The following SV2C variants were observed in gnomAD, a reference collection of about 807,000 sequenced individuals.
SV2C encodes the protein solute carrier family 22 member B3.
A neutral mutation model predicts 79.7 loss-of-function variants in SV2C; 49 were observed. The ratio of observed to expected loss-of-function variants is 0.61; its 90% CI spans 0.49 to 0.78. The LOEUF is 0.78. Ranked by LOEUF, SV2C falls within the 30% of genes least tolerant of loss-of-function variation. SV2C has a pLI of 0.00. For synonymous variants in SV2C, 334 were observed against 333.2 expected, an observed-to-expected ratio of 1.00 and a Z score of -0.03; for missense variants, 833 against 912.9, an observed-to-expected ratio of 0.91 and a Z score of 1.13.
chr5:75,933,796 GCTTTATATTCTCAT>G, the SV2C span, among the ~76,000 whole-genome samples: 1 of 152,128 alleles, frequency 6.6e-6, no homozygotes, highest in Non-Finnish European at 1.5e-5. Flanking sequence ...ATCTGTCCAA[GCTTTATATTCTCAT>G]CTTGCCTGCC....
chr5:76,238,246 A>G (rs987449692), intron 4 of SV2C, among the ~76,000 whole-genome samples: 1 of 151,484 alleles, frequency 6.6e-6, no homozygotes, highest in Non-Finnish European at 1.5e-5. Flanking sequence ...CAACCATTCT[A>G]TTGAGTTTTT....
chr5:76,009,275 G>A, the SV2C span, among the ~76,000 whole-genome samples: 9 of 152,306 alleles, frequency 5.9e-5, no homozygotes, highest in Admixed American at 6.5e-5. Context: ...ATGTTGGTGA[G>A]GCTGTGGAGA....
chr5:75,898,904 T>C, the SV2C span, among the ~76,000 whole-genome samples: 5 of 152,194 alleles, frequency 3.3e-5, no homozygotes, highest in Non-Finnish European at 5.9e-5. Context: ...TCTGTGGGAT[T>C]GGTGGAGATA....
chr5:76,282,206 T>C (rs2112491303), intron 4 of SV2C, among the ~76,000 whole-genome samples: 1 of 152,244 alleles, frequency 6.6e-6, no homozygotes, highest in African/African-American at 2.4e-5. Context: ...AGCAAATTGA[T>C]ATAATAAGCA....
the SV2C span, among the ~76,000 whole-genome samples, chr5:75,908,321 T>A: frequency 4.6e-5 from 7 of 152,208 alleles, no homozygotes; most frequent in Non-Finnish European, 8.8e-5. Context: ...ATCTTACCAG[T>A]CACATAGTAT....
At chr5:76,044,643 G>A in the SV2C span, among the ~76,000 whole-genome samples, 2 of 152,188 alleles carry the variant, frequency 1.3e-5, no homozygotes, top group African/African-American at 4.8e-5. Context: ...GTTTTGATTT[G>A]CATTTCTCTA....
In SV2C at chr5:76,295,885, C is replaced by A. The variant is rs2270927; in HGVS notation, c.1445C>A (p.Thr482Asn). The A allele has an allele frequency of 2.5e-6, 4 of 1,612,754 alleles. No homozygotes were observed. Among genetic ancestry groups the A allele is most frequent in the African/African-American group, 1.3e-5 (1 of 74,826 alleles). ...GAGAGAGATAAATATGCAAATTTCA[C>A]TATTAACTTTACAATGGAAAATCAG... is the stretch of plus-strand genomic sequence containing the variant. ...NVERDKYANF[T>N]INFTMENQIH... Residue 482 changes from threonine (T) to asparagine (N), a missense_variant, in exon 9 of 13, where the codon ACT (threonine) becomes AAT (asparagine). By Grantham distance (65) the Thr-to-Asn change is moderately conservative. Transcript: ENST00000502798.
chr5:76,049,024 A>AAAGAAAGAAAGAAAGAG, the SV2C span, among the ~76,000 whole-genome samples: 7,241 of 120,486 alleles, frequency 0.06, 698 homozygotes, highest in East Asian at 0.15. Context: ...AGAAAGAAAG[A>AAAGAAAGAAAGAAAGAG]AAAAGAAAAG....
chr5:75,956,794 G>A, the SV2C span, among the ~76,000 whole-genome samples: 1 of 151,866 alleles, frequency 6.6e-6, no homozygotes, highest in Non-Finnish European at 1.5e-5. Flanking sequence ...GAAACCTCTG[G>A]GCTTTCAGAA....
chr5:76,338,721 G>A (rs751161762), downstream of SV2C, among the ~76,000 whole-genome samples: 2 of 147,432 alleles, frequency 1.4e-5, no homozygotes, highest in Non-Finnish European at 3.0e-5. Context: ...GCAAAGACAC[G>A]ATCTTGGCTC....
the SV2C span, among the ~76,000 whole-genome samples, chr5:76,024,422 T>C: frequency 6.6e-6 from 1 of 152,230 alleles, no homozygotes; most frequent in Non-Finnish European, 1.5e-5. Flanking sequence ...TTGTCACTTA[T>C]TTATTGGTCA....
chr5:75,947,337 C>CT, the SV2C span, among the ~76,000 whole-genome samples: 1 of 151,922 alleles, frequency 6.6e-6, no homozygotes, highest in South Asian at 2.1e-4. Context: ...CTCCATATTC[C>CT]TTTTTATTTT....
chr5:76,141,823 C>CAAAAAAAA (rs11313342), intron 2 of SV2C, among the ~76,000 whole-genome samples: 8 of 72,454 alleles, frequency 1.1e-4, no homozygotes, highest in Non-Finnish European at 1.3e-4. Context: ...AAGTCCATCT[C>CAAAAAAAA]AAAAAAAAAA....
chr5:75,934,028 G>A, the SV2C span, among the ~76,000 whole-genome samples: 3 of 152,134 alleles, frequency 2.0e-5, no homozygotes, highest in Admixed American at 6.5e-5. Context: ...ACTTTATAAG[G>A]ATTATCACAT....
At chr5:75,915,376 C>G in the SV2C span, among the ~76,000 whole-genome samples, 2 of 152,164 alleles carry the variant, frequency 1.3e-5, no homozygotes, top group Non-Finnish European at 2.9e-5. Context: ...CAGAAGCTGC[C>G]AAACAATGAA....
the SV2C span, among the ~76,000 whole-genome samples, chr5:75,985,040 C>T: frequency 6.6e-5 from 10 of 151,920 alleles, no homozygotes; most frequent in Non-Finnish European, 1.3e-4. Flanking sequence ...TTATTTGGCT[C>T]ATGATTCTGG....
At chr5:76,205,112 G>A (rs1744571231) in intron 3 of SV2C, among the ~76,000 whole-genome samples, 1 of 151,968 alleles carries the variant, frequency 6.6e-6, no homozygotes, top group African/African-American at 2.4e-5. Context: ...CAGATGCCTA[G>A]TATTGAGTCA....
At chr5:76,208,134 AG>A (rs1209349133) in intron 3 of SV2C, among the ~76,000 whole-genome samples, 1 of 152,210 alleles carries the variant, frequency 6.6e-6, no homozygotes, top group Non-Finnish European at 1.5e-5. Context: ...AGATGCCTAA[AG>A]TTTGTGAATT....
chr5:76,025,794 T>C, the SV2C span, among the ~76,000 whole-genome samples: 10 of 152,208 alleles, frequency 6.6e-5, no homozygotes, highest in Non-Finnish European at 4.4e-5. Flanking sequence ...ATTAGGTTTC[T>C]GTATGGCTTT....
Sources: allele counts gnomAD v4.1 joint callset (sites outside exome capture counted in the v4.1 genomes callset), GRCh38; gene constraint gnomAD v4.1.1; transcripts MANE v1.5; gene names NCBI Gene and HGNC (gene_info 2026-07-23, HGNC 2026-07-21).